The following PTPRT variants were observed in gnomAD, a reference collection of about 807,000 sequenced individuals.
PTPRT encodes protein tyrosine phosphatase receptor type T.
PTPRT carries 56 observed loss-of-function variants against 176.8 expected under a neutral mutation model. The observed-to-expected ratio is 0.32, with a 90% confidence interval of 0.26 to 0.40. PTPRT has a LOEUF of 0.40. Among genes scored for constraint, PTPRT ranks in the 10% least tolerant of loss-of-function variants. The pLI, the probability that PTPRT is intolerant of heterozygous loss-of-function variation, is 1.00. For missense variants in PTPRT, 1,540 were observed against 1,908.2 expected, an observed-to-expected ratio of 0.81 and a Z score of 3.60; for synonymous variants, 783 against 739.0, an observed-to-expected ratio of 1.06 and a Z score of -0.96.
intron 6 of PTPRT, among the ~76,000 whole-genome samples, chr20:42,678,856 C>T (rs1309118586): frequency 6.6e-6 from 1 of 152,080 alleles, no homozygotes; most frequent in East Asian, 1.9e-4. Context: ...ACCAGGGGAG[C>T]CTGAGGTCTA....
rs527983746 is a variant in PTPRT at position 42,661,041 on chromosome 20, G to A, written c.1153+16825C>T. Among the ~76,000 whole-genome samples, 15 of 152,088 alleles carry A rather than the reference G, an allele frequency of 9.9e-5. No individual in the cohort carries two copies. The South Asian group carries it at 1.0e-3, about 11-fold the overall frequency. ...TAATTTTTGCATTTTAGTAGAGATC[G>A]GGTTTCACCATATTGGCCAGCCTGG... On this transcript the variant is annotated intron_variant, in intron 7 of 30. Transcript: ENST00000373187.
chr20:42,309,367 G>C (rs6030124), intron 12 of PTPRT, among the ~76,000 whole-genome samples: 49,225 of 151,968 alleles, frequency 0.32, 8,920 homozygotes, highest in African/African-American at 0.49. Flanking sequence ...CCGCTGTTTA[G>C]AACTGAGACA....
At chr20:43,043,750 A>G (rs1986728190) in intron 1 of PTPRT, among the ~76,000 whole-genome samples, 1 of 152,174 alleles carries the variant, frequency 6.6e-6, no homozygotes, top group Non-Finnish European at 1.5e-5. Flanking sequence ...CAGCCTTCCT[A>G]TTTAACAAAT....
In PTPRT at chr20:42,148,594, C is replaced by A. The variant is rs550504676; in HGVS notation, c.2683-6592G>T. ...GGGGAGAACTCTGAAAAGGGGAGAT[C>A]TGAGAGGGAGAAAAGCAGCCCCTGA... On this transcript the variant is annotated intron_variant, in intron 17 of 30. Coordinates refer to ENST00000373187, the MANE Select transcript of PTPRT (RefSeq NM_007050.6). 7.2e-4 allele frequency among the ~76,000 whole-genome samples: 110 copies of A among 152,160 alleles called. 1 individual carries two copies. The highest frequency in any genetic ancestry group is 3.7e-3 in the South Asian group (18 of 4,814).
chr20:43,174,234 G>A (rs1055124602), intron 1 of PTPRT, among the ~76,000 whole-genome samples: 1 of 152,172 alleles, frequency 6.6e-6, no homozygotes. Flanking sequence ...TCTGGCTCAA[G>A]TCAAGTTCCC....
intron 7 of PTPRT, chr20:42,606,655 A>T (rs1158177707): frequency 6.6e-6 from 1 of 152,192 alleles, no homozygotes; most frequent in East Asian, 1.9e-4. Flanking sequence ...CCAAGATTTA[A>T]AAATAGCTTT....
At chr20:42,570,905 T>C (rs2073141535) in intron 7 of PTPRT, among the ~76,000 whole-genome samples, 1 of 151,730 alleles carries the variant, frequency 6.6e-6, no homozygotes. Context: ...TAAGGCAACA[T>C]ATTCACAGAT....
chr20:42,199,363 T>G lies in PTPRT; in HGVS notation c.2368A>C (p.Thr790Pro). The G allele has an allele frequency of 1.9e-6, 3 of 1,613,860 alleles. No individual in the cohort carries two copies. Among genetic ancestry groups the G allele is most frequent in the Non-Finnish European group, 2.5e-6 (3 of 1,179,908 alleles). The change falls in exon 16 of 31, where the codon ACC becomes CCC. Residue 790 changes from threonine to proline, a missense_variant. Thr to Pro is a conservative substitution (Grantham distance 38). This residue lies in a region of PTPRT where 255 missense variants were observed against 250.1 expected (regional missense o/e 1.02). Transcript: ENST00000373187. ...YLKLAKKQKE[T>P]QSGAQREMGP... Reference sequence around the variant, plus strand: ...ATCTCCCTCTGGGCTCCACTCTGGGTCTCCTTCTGCTTCTTGGCCAGCTTC... The same window carrying G: ...ATCTCCCTCTGGGCTCCACTCTGGGGCTCCTTCTGCTTCTTGGCCAGCTTC...
At chr20:42,198,640 C>A (rs553338393) in intron 16 of PTPRT, among the ~76,000 whole-genome samples, 2 of 152,176 alleles carry the variant, frequency 1.3e-5, no homozygotes, top group African/African-American at 2.4e-5. Context: ...TCTTGGGATC[C>A]TTTATTAACA....
At chr20:42,733,218 C>T (rs1478472567) in intron 6 of PTPRT, among the ~76,000 whole-genome samples, 1 of 152,158 alleles carries the variant, frequency 6.6e-6, no homozygotes, top group Non-Finnish European at 1.5e-5. Flanking sequence ...GTAACTCAGT[C>T]TTAGAAAGCC....
At chr20:42,378,552 C>G (rs541839627) in intron 9 of PTPRT, among the ~76,000 whole-genome samples, 3 of 152,198 alleles carry the variant, frequency 2.0e-5, no homozygotes, top group Non-Finnish European at 4.4e-5. Flanking sequence ...TCTTGCACAA[C>G]CCTGTAATCC....
At chr20:43,077,269 C>T (rs1474332971) in intron 1 of PTPRT, among the ~76,000 whole-genome samples, 1 of 152,168 alleles carries the variant, frequency 6.6e-6, no homozygotes, top group Non-Finnish European at 1.5e-5. Flanking sequence ...TCTCAATCTT[C>T]TCAACAAGGC....
At chr20:42,082,396 A>C (rs1243506895) in intron 29 of PTPRT, among the ~76,000 whole-genome samples, 1 of 152,244 alleles carries the variant, frequency 6.6e-6, no homozygotes, top group Non-Finnish European at 1.5e-5. Flanking sequence ...TACATGTGAC[A>C]CCTGCATCCT....
chr20:42,889,147 G>A (rs1463542516), intron 1 of PTPRT, among the ~76,000 whole-genome samples: 1 of 152,124 alleles, frequency 6.6e-6, no homozygotes, highest in Non-Finnish European at 1.5e-5. Context: ...ACTGCTGACA[G>A]GTCCTGGCCC....
chr20:42,248,290 A>G (rs2056488500), intron 14 of PTPRT, among the ~76,000 whole-genome samples: 1 of 152,222 alleles, frequency 6.6e-6, no homozygotes, highest in South Asian at 2.1e-4. Flanking sequence ...TGAGAATGGT[A>G]AAACATTACT....
At chr20:42,564,526 A>G (rs2073007142) in intron 7 of PTPRT, among the ~76,000 whole-genome samples, 1 of 152,344 alleles carries the variant, frequency 6.6e-6, no homozygotes, top group Non-Finnish European at 1.5e-5. Flanking sequence ...GGGTTGAACA[A>G]TGAGAACACA....
At chr20:42,140,735 G>T (rs1444130019) in intron 18 of PTPRT, among the ~76,000 whole-genome samples, 1 of 152,040 alleles carries the variant, frequency 6.6e-6, no homozygotes, top group Admixed American at 6.5e-5. Flanking sequence ...CAACCAACCT[G>T]CCTTATTCTA....
At position 42,202,562 on chromosome 20, in the gene PTPRT, T is replaced by C. The variant is rs561621219; in HGVS notation, c.2343-3174A>G. Among the ~76,000 whole-genome samples, 5 of 152,298 alleles carry C rather than the reference T, an allele frequency of 3.3e-5. No individual in the cohort carries two copies. In the East Asian group the frequency reaches 7.7e-4, roughly 23 times the overall value. On this transcript the variant is annotated intron_variant, in intron 15 of 30. Transcript: ENST00000373187. ...ATGAGCAATTCTGCTTCTGATGACATTTTGAAATTTTATTCTTCATTTATT... is the reference window on the plus strand; with the variant it reads ...ATGAGCAATTCTGCTTCTGATGACACTTTGAAATTTTATTCTTCATTTATT...
Position 43,189,456 on chromosome 20 carries a change from C to T in PTPRT, c.88+190G>A, listed in dbSNP as rs982605272. On this transcript the variant is annotated intron_variant, in intron 1 of 30. Coordinates refer to ENST00000373187, the MANE Select transcript of PTPRT (RefSeq NM_007050.6). The surrounding 1 kb of genome is among the most constrained non-coding windows in gnomAD (Gnocchi z 5.0). ...CGGGCTGCCGAGGGACGCGAGGGGCCGGGCTCGCTGGCCGGGGCGCGCGGG... is the reference window on the plus strand; with the variant it reads ...CGGGCTGCCGAGGGACGCGAGGGGCTGGGCTCGCTGGCCGGGGCGCGCGGG... 1.3e-5 allele frequency among the ~76,000 whole-genome samples: 2 copies of T among 152,060 alleles called. No homozygotes were observed. Among genetic ancestry groups the T allele is most frequent in the African/African-American group, 2.4e-5 (1 of 41,438 alleles).
Sources: gnomAD v4.1 joint callset for allele counts (sites outside exome capture counted in the v4.1 genomes callset) on GRCh38, gnomAD v4.1.1 for gene constraint, gnomAD v4.1.1 regional missense constraint, Gnocchi (gnomAD v3.1) non-coding constraint, MANE v1.5 for transcripts, NCBI Gene and HGNC (gene_info 2026-07-23, HGNC 2026-07-21) for gene names.